Variants in COMMD10 observed in about 807,000 individuals in gnomAD.
The protein encoded by COMMD10 is COMM domain-containing protein 10.
Under a neutral mutation model 28.9 loss-of-function variants are expected in COMMD10, and 33 were observed. The observed-to-expected ratio is 1.14, with a 90% CI of 0.87 to 1.53. The LOEUF (loss-of-function observed/expected upper bound fraction) is 1.53, where lower values mean the gene tolerates loss of function less well. Among genes scored for constraint, COMMD10 ranks in the 40% most tolerant of loss-of-function variants. The pLI is 0.00. For synonymous variants in COMMD10, 110 were observed against 81.7 expected (o/e 1.35, Z -1.87); for missense variants, 310 against 233.4 (o/e 1.33, Z -2.14).
intron 5 of COMMD10, among the ~76,000 whole-genome samples, chr5:116,188,896 C>T (rs1748248077): frequency 6.6e-6 from 1 of 152,156 alleles, no homozygotes; most frequent in African/African-American, 2.4e-5. Flanking sequence ...TTCCATAGTT[C>T]TGGGATTATA....
At chr5:116,213,021 G>A (rs984058502) in intron 5 of COMMD10, among the ~76,000 whole-genome samples, 1 of 151,944 alleles carries the variant, frequency 6.6e-6, no homozygotes, top group African/African-American at 2.4e-5. Flanking sequence ...ATATGTTAGG[G>A]ATTTAATAAG....
At chr5:116,204,233 C>A (rs994525973) in intron 5 of COMMD10, among the ~76,000 whole-genome samples, 3 of 152,160 alleles carry the variant, frequency 2.0e-5, no homozygotes, top group African/African-American at 7.2e-5. Context: ...CACCCGGATT[C>A]ATAAAGCAAG....
At chr5:116,207,434 C>T (rs1308601598) in intron 5 of COMMD10, among the ~76,000 whole-genome samples, 1 of 152,118 alleles carries the variant, frequency 6.6e-6, no homozygotes, top group Non-Finnish European at 1.5e-5. Context: ...AGAAGTTGTA[C>T]AAAGATAATA....
chr5:116,114,010 G>A (rs908453406), intron 4 of COMMD10, among the ~76,000 whole-genome samples: 5 of 151,746 alleles, frequency 3.3e-5, no homozygotes, highest in East Asian at 1.9e-4. Context: ...CTGGGTGTGC[G>A]CATTGGTGAA....
chr5:116,195,233 C>G (rs142532230), intron 5 of COMMD10, among the ~76,000 whole-genome samples: 249 of 152,216 alleles, frequency 1.6e-3, no homozygotes, highest in African/African-American at 5.7e-3. Context: ...AAGTTGAAAG[C>G]ATTTCCTCTG....
chr5:116,138,042 A>G (rs1402308294), intron 5 of COMMD10, among the ~76,000 whole-genome samples: 3 of 151,940 alleles, frequency 2.0e-5, no homozygotes. Flanking sequence ...TTGAAATAAC[A>G]TTCAAAATAA....
intron 5 of COMMD10, among the ~76,000 whole-genome samples, chr5:116,175,103 T>C (rs1020424609): frequency 6.6e-6 from 1 of 152,142 alleles, no homozygotes; most frequent in Non-Finnish European, 1.5e-5. Context: ...CAGAGTGGAC[T>C]TTTCTCACCA....
chr5:116,149,583 G>A (rs1373793656), intron 5 of COMMD10, among the ~76,000 whole-genome samples: 3 of 149,780 alleles, frequency 2.0e-5, no homozygotes, highest in Admixed American at 6.6e-5. Context: ...TTGTGGTTTT[G>A]ATTTGCATTT....
chr5:116,115,230 T>G (rs76257035), intron 4 of COMMD10, among the ~76,000 whole-genome samples: 3,127 of 152,140 alleles, frequency 0.021, 105 homozygotes, highest in African/African-American at 0.07. Context: ...TTTGGGAGGG[T>G]CAAGATACAC....
At chr5:116,135,486 A>G (rs1047645089) in intron 5 of COMMD10, among the ~76,000 whole-genome samples, 4 of 152,166 alleles carry the variant, frequency 2.6e-5, no homozygotes, top group African/African-American at 9.6e-5. Context: ...CGTAATATGA[A>G]CTTAGTGGTT....
chr5:116,231,155 C>A (rs753386973), intron 5 of COMMD10, among the ~76,000 whole-genome samples: 1 of 152,138 alleles, frequency 6.6e-6, no homozygotes, highest in East Asian at 1.9e-4. Context: ...CAAGCTGATT[C>A]TACATCCTAT....
chr5:116,178,380 A>G (rs947963235), intron 5 of COMMD10, among the ~76,000 whole-genome samples: 1 of 152,122 alleles, frequency 6.6e-6, no homozygotes, highest in African/African-American at 2.4e-5. Context: ...CCTTAAACAA[A>G]ACTTACTTTA....
At chr5:116,103,461 GTCTTCT>G (rs1263856893) in intron 4 of COMMD10, among the ~76,000 whole-genome samples, 1 of 152,158 alleles carries the variant, frequency 6.6e-6, no homozygotes, top group Non-Finnish European at 1.5e-5. Flanking sequence ...CTGCATAAAT[GTCTTCT>G]TTTGAGAAGT....
chr5:116,129,377 A>T (rs1249701235), intron 4 of COMMD10, among the ~76,000 whole-genome samples: 1 of 144,910 alleles, frequency 6.9e-6, no homozygotes, highest in South Asian at 2.1e-4. Context: ...ATAGTATTTT[A>T]TATATATTAG....
At chr5:116,232,228 C>T (rs1370392022) in intron 5 of COMMD10, among the ~76,000 whole-genome samples, 1 of 152,000 alleles carries the variant, frequency 6.6e-6, no homozygotes, top group Non-Finnish European at 1.5e-5. Flanking sequence ...CTGTAACTTA[C>T]CCATTGGCTT....
intron 4 of COMMD10, among the ~76,000 whole-genome samples, chr5:116,102,596 G>C (rs913341603): frequency 6.6e-6 from 1 of 152,150 alleles, no homozygotes; most frequent in African/African-American, 2.4e-5. Context: ...AGTGAAAAAT[G>C]ACAATGGTAT....
intron 5 of COMMD10, among the ~76,000 whole-genome samples, chr5:116,149,111 T>G (rs1752432748): frequency 6.7e-6 from 1 of 149,732 alleles, no homozygotes; most frequent in Non-Finnish European, 1.5e-5. Context: ...CGGTGTTTGG[T>G]TTTTTGTTCT....
intron 5 of COMMD10, among the ~76,000 whole-genome samples, chr5:116,198,373 T>A (rs1257117616): frequency 6.6e-6 from 1 of 152,180 alleles, no homozygotes; most frequent in East Asian, 1.9e-4. Flanking sequence ...TAAACTTTAT[T>A]TTTCAGAGCA....
Position 116,171,471 on chromosome 5 carries a change from T to G in COMMD10, c.510+37293T>G, listed in dbSNP as rs2112582182. On this transcript the variant is annotated intron_variant, in intron 5 of 6. Coordinates refer to ENST00000274458, the MANE Select transcript of COMMD10 (RefSeq NM_016144.4). ...AATACCATTTGATACAGCAATCCCC[T>G]TACTGGGTATATACCCAGATGATTA... Among the ~76,000 whole-genome samples, 2 of 152,284 alleles carry G rather than the reference T, an allele frequency of 1.3e-5. 1 individual carries two copies. Among genetic ancestry groups the G allele is most frequent in the Middle Eastern group, 6.8e-3 (2 of 294 alleles).
Sources: allele counts gnomAD v4.1 joint callset (sites outside exome capture counted in the v4.1 genomes callset), GRCh38; gene constraint gnomAD v4.1.1; transcripts MANE v1.5; gene names NCBI Gene and HGNC (gene_info 2026-07-23, HGNC 2026-07-21).